RABGAP1L: variants seen among roughly 807,000 people sequenced by gnomAD.
RABGAP1L encodes RAB GTPase activating protein 1 like.
Under a neutral mutation model 137.7 loss-of-function variants are expected in RABGAP1L, and 63 were observed. The observed-to-expected ratio is 0.46, with a 90% CI of 0.37 to 0.56. The LOEUF is 0.56. RABGAP1L is among the 20% of genes least tolerant of loss of function. The pLI is 0.00. For missense variants in RABGAP1L, 1,095 were observed against 1,244.0 expected, an observed-to-expected ratio of 0.88 and a Z score of 1.80; for synonymous variants, 431 against 433.7, an observed-to-expected ratio of 0.99 and a Z score of 0.08.
intron 20 of RABGAP1L, among the ~76,000 whole-genome samples, chr1:174,965,324 C>T (rs1384540952): frequency 1.3e-5 from 2 of 152,188 alleles, no homozygotes; most frequent in Non-Finnish European, 1.5e-5. Flanking sequence ...TGCAAACTTA[C>T]AGCATGTGAA....
rs560900270 is a variant in RABGAP1L, at chr1:174,509,744, A to C, written c.1710+115599A>C. Among the ~76,000 whole-genome samples the C allele has an allele frequency of 8.5e-5, 13 of 152,278 alleles. No homozygotes were observed. In the East Asian group the frequency reaches 2.3e-3, roughly 27 times the overall value. ...TGAAATGTAATGACATCTTAAACTAAATGACTTCAAAGTCAAGAATCATTC... is the reference window on the plus strand; with the variant it reads ...TGAAATGTAATGACATCTTAAACTACATGACTTCAAAGTCAAGAATCATTC... On this transcript the variant is annotated intron_variant, in intron 13 of 25. Transcript: ENST00000681986.
chr1:174,217,405 A>G (rs528973056), intron 1 of RABGAP1L, among the ~76,000 whole-genome samples: 35 of 152,324 alleles, frequency 2.3e-4, no homozygotes, highest in Admixed American at 1.2e-3. Flanking sequence ...GTCCATGACA[A>G]TGACAGACAT....
chr1:174,426,923 G>C (rs1480723522), intron 13 of RABGAP1L, among the ~76,000 whole-genome samples: 1 of 152,044 alleles, frequency 6.6e-6, no homozygotes, highest in African/African-American at 2.4e-5. Flanking sequence ...AAGTGAATGG[G>C]AAGATCAGTC....
chr1:174,636,110 A>G (rs1023435105), intron 13 of RABGAP1L, among the ~76,000 whole-genome samples: 9 of 152,232 alleles, frequency 5.9e-5, no homozygotes, highest in Non-Finnish European at 1.2e-4. Context: ...ATTTAAAAAG[A>G]TAAACATTTC....
At chr1:174,163,644 C>T (rs1314906163) in intron 1 of RABGAP1L, among the ~76,000 whole-genome samples, 4 of 150,462 alleles carry the variant, frequency 2.7e-5, no homozygotes, top group Non-Finnish European at 5.9e-5. Flanking sequence ...CAACACAATT[C>T]TTTATAAATA....
intron 18 of RABGAP1L, among the ~76,000 whole-genome samples, chr1:174,763,821 G>C (rs1349207760): frequency 7.9e-6 from 1 of 126,348 alleles, no homozygotes; most frequent in Admixed American, 9.6e-5. Context: ...CTGGGCAACA[G>C]AGCAAGACTC....
Position 174,180,071 on chromosome 1 carries a change from A to G in RABGAP1L, c.-34+20414A>G, listed in dbSNP as rs1334050491. 2.6e-5 allele frequency among the ~76,000 whole-genome samples: 4 copies of G among 152,246 alleles called. No homozygotes were observed. The East Asian group carries it at 7.7e-4, about 29-fold the overall frequency. On this transcript the variant is annotated intron_variant, in intron 1 of 25. Transcript: ENST00000681986. ...CTCTTCTTCCTAAAAGGAATAAAGA[A>G]TTAGTTGAGATTTCCATAAGGGATA...
At chr1:174,638,617 C>T (rs928547301) in intron 14 of RABGAP1L, among the ~76,000 whole-genome samples, 5 of 146,798 alleles carry the variant, frequency 3.4e-5, no homozygotes, top group Non-Finnish European at 6.0e-5. Context: ...TTCACAATAG[C>T]AAAGACTTGG....
In RABGAP1L at chr1:174,764,906, G is replaced by A. The variant is rs1685546560; in HGVS notation, c.2211+12552G>A. ...TGATACCATAAAGCTGCCTCCCACAGCCCCTGATTGTTCACTGTGTTTTAA... is the reference window on the plus strand; with the variant it reads ...TGATACCATAAAGCTGCCTCCCACAACCCCTGATTGTTCACTGTGTTTTAA... On this transcript the variant is annotated intron_variant, in intron 18 of 25. Coordinates refer to ENST00000681986, the MANE Select transcript of RABGAP1L (RefSeq NM_001366446.1). Among the ~76,000 whole-genome samples the A allele has an allele frequency of 2.0e-5, 3 of 152,294 alleles. No individual in the cohort carries two copies. The East Asian group carries it at 5.8e-4, about 29-fold the overall frequency.
chr1:174,829,337 T>C lies in RABGAP1L; in HGVS notation c.2340+17377T>C, dbSNP rs761898682. Among the ~76,000 whole-genome samples, 24 of 148,276 alleles carry C rather than the reference T, an allele frequency of 1.6e-4. 3 individuals are homozygous for C. The highest frequency in any genetic ancestry group is 3.3e-4 in the Non-Finnish European group (22 of 66,662). On this transcript the variant is annotated intron_variant, in intron 19 of 25. Coordinates refer to ENST00000681986, the MANE Select transcript of RABGAP1L (RefSeq NM_001366446.1). ...GGTTTATTCCTATAGAAAAATGAAA[T>C]AAAAAGTGAAATCTGTCTGAATTTT...
chr1:174,894,526 G>C (rs1490006643), intron 19 of RABGAP1L, among the ~76,000 whole-genome samples: 1 of 152,156 alleles, frequency 6.6e-6, no homozygotes, highest in East Asian at 1.9e-4. Flanking sequence ...GAAAGAGAAG[G>C]CTGGAAAATA....
chr1:174,432,276 C>T (rs528345944), intron 13 of RABGAP1L, among the ~76,000 whole-genome samples: 84 of 152,242 alleles, frequency 5.5e-4, no homozygotes, highest in Non-Finnish European at 8.7e-4. Context: ...CATTCTCCTG[C>T]AAAAGATATG....
chr1:174,829,505 C>G (rs1691892843), intron 19 of RABGAP1L, among the ~76,000 whole-genome samples: 1 of 148,140 alleles, frequency 6.8e-6, no homozygotes, highest in African/African-American at 2.5e-5. Flanking sequence ...ACCAGATGCC[C>G]TCCCTCATCC....
intron 13 of RABGAP1L, among the ~76,000 whole-genome samples, chr1:174,426,354 T>A (rs1008505195): frequency 3.3e-5 from 5 of 152,134 alleles, no homozygotes; most frequent in Admixed American, 3.3e-4. Context: ...AATATTTGCA[T>A]ATGTAAGCAT....
intron 14 of RABGAP1L, among the ~76,000 whole-genome samples, chr1:174,654,059 A>G (rs560256958): frequency 6.6e-6 from 1 of 152,224 alleles, no homozygotes; most frequent in Non-Finnish European, 1.5e-5. Flanking sequence ...CTCCAAGGGA[A>G]GAAGAAAGGA....
chr1:174,171,100 A>C (rs1375031876), intron 1 of RABGAP1L, among the ~76,000 whole-genome samples: 2 of 152,222 alleles, frequency 1.3e-5, no homozygotes, highest in African/African-American at 4.8e-5. Context: ...GATGATCTCT[A>C]GCAGCCTGAA....
At chr1:174,390,534 A>G (rs1687139156) in intron 12 of RABGAP1L, among the ~76,000 whole-genome samples, 2 of 152,206 alleles carry the variant, frequency 1.3e-5, no homozygotes, top group Admixed American at 1.3e-4. Flanking sequence ...ATGCAAAATA[A>G]TCTGGGCCAA....
At chr1:174,893,578 C>T (rs562531495) in intron 19 of RABGAP1L, among the ~76,000 whole-genome samples, 3 of 152,240 alleles carry the variant, frequency 2.0e-5, no homozygotes, top group Non-Finnish European at 2.9e-5. Context: ...TTTAAATATA[C>T]GAATGTCTTT....
intron 17 of RABGAP1L, among the ~76,000 whole-genome samples, chr1:174,703,058 T>G (rs1200262525): frequency 6.6e-6 from 1 of 152,190 alleles, no homozygotes; most frequent in Admixed American, 6.5e-5. Flanking sequence ...GATTATAAGC[T>G]TAATATATAA....
Sources: allele counts gnomAD v4.1 joint callset (sites outside exome capture counted in the v4.1 genomes callset), GRCh38; gene constraint gnomAD v4.1.1; transcripts MANE v1.5; gene names NCBI Gene and HGNC (gene_info 2026-07-23, HGNC 2026-07-21).